The following PLCXD2 variants were observed in gnomAD, a reference collection of about 807,000 sequenced individuals.
PLCXD2 encodes the protein phosphatidylinositol specific phospholipase C X domain containing 2.
Under a neutral mutation model 28.6 loss-of-function variants are expected in PLCXD2, and 21 were observed. The observed-to-expected ratio is 0.73, with a 90% CI of 0.52 to 1.06. The LOEUF is 1.06. Among genes scored for constraint, PLCXD2 ranks in the 50% least tolerant of loss-of-function variants. The probability of loss-of-function intolerance (pLI) is 0.00; values close to 1 mark genes in which losing one functional copy is unlikely to be tolerated. For synonymous variants in PLCXD2, 140 were observed against 150.1 expected, an observed-to-expected ratio of 0.93 and a Z score of 0.49; for missense variants, 369 against 376.7, an observed-to-expected ratio of 0.98 and a Z score of 0.17.
chr3:111,674,851 G>A lies in PLCXD2; in HGVS notation c.-395G>A, dbSNP rs552801172. ...GGCTAGAGCCGGCGCGCCCGGGCGC[G>A]CACCTGTGTATGGACCCGCAGGCAT... On this transcript the variant is annotated 5_prime_UTR_variant, in exon 1 of 5. Coordinates refer to ENST00000477665, the MANE Select transcript of PLCXD2 (RefSeq NM_001185106.1). 13 of 160,500 alleles carry A rather than the reference G, an allele frequency of 8.1e-5. No individual in the cohort carries two copies. The highest frequency in any genetic ancestry group is 1.6e-4 in the Non-Finnish European group (12 of 74,248). 9.9% of individuals were successfully genotyped at this position (160,500 alleles called of 1,614,324 possible). A position where few individuals can be genotyped will look rare whatever the true frequency, so the allele number is the denominator to read the frequency against.
chr3:111,687,166 T>A (rs1304968824), intron 1 of PLCXD2, among the ~76,000 whole-genome samples: 1 of 152,172 alleles, frequency 6.6e-6, no homozygotes, highest in Non-Finnish European at 1.5e-5. Flanking sequence ...GATATAAGCG[T>A]GAAGTTGACA....
intron 2 of PLCXD2, 148 bp downstream of exon 2, chr3:111,708,534 C>T: frequency 1.3e-6 from 1 of 786,072 alleles, no homozygotes; most frequent in East Asian, 2.7e-5. Context: ...AAACTAGTTC[C>T]TGGGCTCTAG....
chr3:111,701,584 T>G (rs1941042275), intron 1 of PLCXD2, among the ~76,000 whole-genome samples: 1 of 152,176 alleles, frequency 6.6e-6, no homozygotes, highest in South Asian at 2.1e-4. Flanking sequence ...GAGGAATGTG[T>G]CATAATCAAA....
intron 2 of PLCXD2, among the ~76,000 whole-genome samples, chr3:111,710,902 G>A (rs986937006): frequency 6.6e-6 from 1 of 152,164 alleles, no homozygotes; most frequent in Non-Finnish European, 1.5e-5. Flanking sequence ...AATAGTGTAG[G>A]CAGTGAATTT....
rs911253818 is a variant in PLCXD2 at position 111,715,276 on chromosome 3, G to A, written c.866+1148G>A. Among the ~76,000 whole-genome samples, 47 of 152,136 alleles carry A rather than the reference G, an allele frequency of 3.1e-4. 1 individual carries two copies. Among genetic ancestry groups the A allele is most frequent in the Middle Eastern group, 3.2e-3 (1 of 316 alleles). On this transcript the variant is annotated intron_variant, in intron 3 of 4. Transcript: ENST00000477665. Reference sequence around the variant, plus strand: ...AAGATCCCGAATTAGAAGCTTTATTGTTTTAATAATATGTTTGTGTATCCA... The same window carrying A: ...AAGATCCCGAATTAGAAGCTTTATTATTTTAATAATATGTTTGTGTATCCA...
chr3:111,688,854 CAAT>C (rs67814973), intron 1 of PLCXD2, among the ~76,000 whole-genome samples: 6,619 of 151,776 alleles, frequency 0.044, 233 homozygotes, highest in African/African-American at 0.091. Context: ...ATAAGATATA[CAAT>C]GTGATTAGAA....
At chr3:111,702,189 C>A (rs1181757317) in intron 1 of PLCXD2, among the ~76,000 whole-genome samples, 4 of 151,952 alleles carry the variant, frequency 2.6e-5, no homozygotes, top group Non-Finnish European at 5.9e-5. Context: ...AAAAAGCAGA[C>A]AGAAGGTAAA....
intron 1 of PLCXD2, among the ~76,000 whole-genome samples, chr3:111,694,889 G>A (rs1021079627): frequency 6.6e-6 from 1 of 152,122 alleles, no homozygotes; most frequent in Non-Finnish European, 1.5e-5. Flanking sequence ...CAGAAACTTG[G>A]CCTGCTGATT....
At chr3:111,714,382 C>T (rs1000939747) in intron 3 of PLCXD2, among the ~76,000 whole-genome samples, 5 of 152,160 alleles carry the variant, frequency 3.3e-5, no homozygotes, top group African/African-American at 1.2e-4. Context: ...TAAGGCAAAG[C>T]ACATTGAGCC....
At chr3:111,691,476 AC>A (rs1262491775) in intron 1 of PLCXD2, 1 of 152,228 alleles carries the variant, frequency 6.6e-6, no homozygotes, top group Non-Finnish European at 1.5e-5. Flanking sequence ...TGTTTCTTCA[AC>A]TGAGAGAAGG....
chr3:111,690,937 C>A (rs927903524), intron 1 of PLCXD2, among the ~76,000 whole-genome samples: 4 of 152,126 alleles, frequency 2.6e-5, no homozygotes, highest in African/African-American at 9.7e-5. Flanking sequence ...AATAATGAAA[C>A]AACAGCCTTT....
intron 1 of PLCXD2, among the ~76,000 whole-genome samples, chr3:111,704,016 T>C (rs1941082884): frequency 6.6e-6 from 1 of 152,218 alleles, no homozygotes; most frequent in South Asian, 2.1e-4. Context: ...TCACTTTATT[T>C]CTTAGGAAAC....
intron 1 of PLCXD2, among the ~76,000 whole-genome samples, chr3:111,679,205 C>T (rs1386421274): frequency 1.3e-5 from 2 of 151,940 alleles, no homozygotes; most frequent in African/African-American, 2.4e-5. Flanking sequence ...GAGAAAATAG[C>T]ATTTGATCTA....
intron 1 of PLCXD2, among the ~76,000 whole-genome samples, chr3:111,695,767 A>C (rs973791440): frequency 1.4e-4 from 21 of 152,248 alleles, no homozygotes; most frequent in African/African-American, 4.8e-4. Flanking sequence ...TATGCTAGGC[A>C]AAGGGATGAT....
At chr3:111,707,157 A>G (rs1228103600) in intron 1 of PLCXD2, among the ~76,000 whole-genome samples, 2 of 152,240 alleles carry the variant, frequency 1.3e-5, no homozygotes, top group African/African-American at 2.4e-5. Context: ...GGACCATTTA[A>G]TAGCAGTTTT....
Position 111,686,951 on chromosome 3 carries a change from G to A in PLCXD2, c.163+11543G>A, listed in dbSNP as rs191124958. Among the ~76,000 whole-genome samples, 15 of 152,232 alleles carry A rather than the reference G, an allele frequency of 9.9e-5. No homozygotes were observed. In the East Asian group the frequency reaches 2.1e-3, roughly 22 times the overall value. ...GGAGATAAATGGAGCTAGGAAACAG[G>A]TGCAAGGGGTGAAAAGGAGCAGAGA... On this transcript the variant is annotated intron_variant, in intron 1 of 4. Coordinates refer to ENST00000477665, the MANE Select transcript of PLCXD2 (RefSeq NM_001185106.1).
At chr3:111,723,508 G>C (rs1941373803) in intron 3 of PLCXD2, 1 of 152,242 alleles carries the variant, frequency 6.6e-6, no homozygotes, top group African/African-American at 2.4e-5. Flanking sequence ...GCTCTGCGTG[G>C]TGCGTGCAGG....
intron 1 of PLCXD2, among the ~76,000 whole-genome samples, chr3:111,678,211 T>A (rs1311771407): frequency 6.6e-6 from 1 of 152,216 alleles, no homozygotes; most frequent in Non-Finnish European, 1.5e-5. Context: ...AGAGCCTTGA[T>A]GTATTATTTT....
chr3:111,682,070 C>T (rs1288651021), intron 1 of PLCXD2, among the ~76,000 whole-genome samples: 5 of 152,082 alleles, frequency 3.3e-5, no homozygotes, highest in African/African-American at 9.7e-5. Context: ...AATTTGAACA[C>T]GCATCAAGAA....
Sources: gnomAD v4.1 joint callset for allele counts (sites outside exome capture counted in the v4.1 genomes callset) on GRCh38, gnomAD v4.1.1 for gene constraint, MANE v1.5 for transcripts, NCBI Gene and HGNC (gene_info 2026-07-23, HGNC 2026-07-21) for gene names.